The following AEBP2 variants were observed in gnomAD, a reference collection of about 807,000 sequenced individuals.
AEBP2 encodes AE binding protein 2.
AEBP2 carries 10 observed loss-of-function variants against 50.8 expected under a neutral mutation model. The observed-to-expected ratio is 0.20, with a 90% CI of 0.12 to 0.33. The LOEUF (loss-of-function observed/expected upper bound fraction) is 0.33. Ranked by LOEUF, AEBP2 falls within the 10% of genes least tolerant of loss-of-function variation. The pLI, the probability that AEBP2 is intolerant of heterozygous loss-of-function variation, is 1.00. For missense variants in AEBP2, 570 were observed against 688.0 expected, an observed-to-expected ratio of 0.83 and a Z score of 1.92; for synonymous variants, 296 against 261.3, an observed-to-expected ratio of 1.13 and a Z score of -1.28.
chr12:19,439,669 AGG>A lies in AEBP2; in HGVS notation c.-30_-29del. ...TCGAGAGAGGGAGGCGGCGGTGGGGAGGAGGAGGAGGAGGAGGAGCAGGCGCC... is the reference window on the plus strand; with the variant it reads ...TCGAGAGAGGGAGGCGGCGGTGGGGAAGGAGGAGGAGGAGGAGCAGGCGCC... On this transcript the variant is annotated 5_prime_UTR_variant, in exon 1 of 8. Coordinates refer to ENST00000266508, the MANE Select transcript of AEBP2 (RefSeq NM_153207.5). 2 of 244,598 alleles carry A rather than the reference AGG, an allele frequency of 8.2e-6. No individual in the cohort carries two copies. The highest frequency in any genetic ancestry group is 1.3e-5 in the Non-Finnish European group (2 of 149,260). The allele number at this position is 244,598 out of a possible 1,614,324, so 15.2% of individuals were successfully genotyped here. A position where few individuals can be genotyped will look rare whatever the true frequency, so the allele number is the denominator to read the frequency against.
chr12:19,462,149 A>G (rs1219992152), intron 1 of AEBP2, among the ~76,000 whole-genome samples: 1 of 151,872 alleles, frequency 6.6e-6, no homozygotes, highest in Non-Finnish European at 1.5e-5. Context: ...ACAGCTGGAA[A>G]CTCTTACTTT....
At chr12:19,431,614 A>T (rs773170304) in intron 1 of AEBP2, among the ~76,000 whole-genome samples, 9 of 152,200 alleles carry the variant, frequency 5.9e-5, no homozygotes, top group Non-Finnish European at 1.0e-4. Context: ...CAGCCAAAGC[A>T]GTTAAGTTTC....
At chr12:19,486,812 T>TC (rs1265659689) in intron 3 of AEBP2, among the ~76,000 whole-genome samples, 1 of 152,088 alleles carries the variant, frequency 6.6e-6, no homozygotes, top group East Asian at 1.9e-4. Flanking sequence ...TCTTTTCTTT[T>TC]TTTTTTGAGA....
intron 7 of AEBP2, among the ~76,000 whole-genome samples, chr12:19,516,135 A>G (rs769295420): frequency 6.6e-6 from 1 of 152,208 alleles, no homozygotes; most frequent in Non-Finnish European, 1.5e-5. Context: ...GCTAATTAAT[A>G]CAATAAAACT....
In AEBP2 at chr12:19,434,238, C is replaced by T. The variant is rs531924999; in HGVS notation, c.-16-28272C>T. On this transcript the variant is annotated intron_variant, in intron 1 of 3. Transcript: ENST00000538425. ...GCCCAGGCTGGAGTGCAATGGTGTG[C>T]TCTTCACTCACCACAACCTCCACCT... Among the ~76,000 whole-genome samples, 294 of 148,824 alleles carry T rather than the reference C, an allele frequency of 2.0e-3. 1 individual carries two copies. The highest frequency in any genetic ancestry group is 2.6e-3 in the Non-Finnish European group (177 of 67,620).
intron 3 of AEBP2, among the ~76,000 whole-genome samples, chr12:19,479,249 T>C (rs1339551675): frequency 6.6e-6 from 1 of 152,154 alleles, no homozygotes; most frequent in East Asian, 1.9e-4. Context: ...AAATACTTGT[T>C]AAGTTAATTT....
chr12:19,508,115 T>C (rs969004615), intron 5 of AEBP2, among the ~76,000 whole-genome samples: 2 of 152,240 alleles, frequency 1.3e-5, no homozygotes, highest in Admixed American at 6.5e-5. Context: ...AGAGGTATTT[T>C]GTTTTAGCAG....
At chr12:19,422,093 G>A (rs2095746116) in intron 1 of AEBP2, among the ~76,000 whole-genome samples, 1 of 152,152 alleles carries the variant, frequency 6.6e-6, no homozygotes, top group Non-Finnish European at 1.5e-5. Context: ...AGTGAGCTGA[G>A]ATTGCGCCAC....
intron 7 of AEBP2, among the ~76,000 whole-genome samples, chr12:19,517,847 A>G (rs150155279): frequency 6.6e-6 from 1 of 152,354 alleles, no homozygotes; most frequent in Non-Finnish European, 1.5e-5. Context: ...AAATATATGT[A>G]TTACACATGG....
intron 1 of AEBP2, chr12:19,457,124 C>T (rs1242779124): frequency 1.3e-6 from 2 of 1,599,302 alleles, no homozygotes; most frequent in Non-Finnish European, 1.7e-6. Flanking sequence ...ACTTCCTTAA[C>T]AATTTCCTCA....
intron 2 of AEBP2, among the ~76,000 whole-genome samples, chr12:19,470,153 CTTTCTTT>C (rs1429717778): frequency 6.8e-6 from 1 of 148,082 alleles, no homozygotes; most frequent in Admixed American, 6.7e-5. Flanking sequence ...TTTTGTGGAT[CTTTCTTT>C]TTTCTTTTTT....
At position 19,518,792 on chromosome 12, in the gene AEBP2, G is replaced by C. The variant is rs1486503951; in HGVS notation, c.*675G>C. ...AAAATTACTGTTAAAGAGTGTTGCA[G>C]TATGTCTGGTGGCTCCCTTTTCAGG... On this transcript the variant is annotated 3_prime_UTR_variant, in exon 8 of 8. Coordinates refer to ENST00000266508, the MANE Select transcript of AEBP2 (RefSeq NM_153207.5). 8 of 1,344,002 alleles carry C rather than the reference G, an allele frequency of 6.0e-6. No individual in the cohort carries two copies. Among genetic ancestry groups the C allele is most frequent in the Non-Finnish European group, 8.1e-6 (8 of 991,226 alleles). 83.3% of individuals were successfully genotyped at this position (1,344,002 alleles called of 1,614,324 possible). A position where few individuals can be genotyped will look rare whatever the true frequency, so the allele number is the denominator to read the frequency against.
chr12:19,424,857 A>G (rs1300841596), intron 1 of AEBP2, among the ~76,000 whole-genome samples: 1 of 151,900 alleles, frequency 6.6e-6, no homozygotes, highest in Non-Finnish European at 1.5e-5. Flanking sequence ...AAAATACAAA[A>G]AATTAGCCAG....
intron 4 of AEBP2, among the ~76,000 whole-genome samples, chr12:19,494,498 C>CT (rs747750453): frequency 0.055 from 6,327 of 115,814 alleles, 385 homozygotes; most frequent in Admixed American, 0.093. Context: ...AGCAGTGTTG[C>CT]TTTTTTTTTT....
chr12:19,518,761 G>A lies in AEBP2; in HGVS notation c.*644G>A. 2 of 1,468,938 alleles carry A rather than the reference G, an allele frequency of 1.4e-6. No individual in the cohort carries two copies. The highest frequency in any genetic ancestry group is 1.8e-6 in the Non-Finnish European group (2 of 1,087,070). 91.0% of individuals were successfully genotyped at this position (1,468,938 alleles called of 1,614,324 possible). On this transcript the variant is annotated 3_prime_UTR_variant, in exon 8 of 8. Transcript: ENST00000266508. ...AACTAAAAATTCGTCTATCGAATTAGGGCTGAAAATTACTGTTAAAGAGTG... is the reference window on the plus strand; with the variant it reads ...AACTAAAAATTCGTCTATCGAATTAAGGCTGAAAATTACTGTTAAAGAGTG...
At chr12:19,440,472 C>A in intron 1 of AEBP2, 102 bp downstream of exon 1, 1 of 1,409,836 alleles carries the variant, frequency 7.1e-7, no homozygotes, top group South Asian at 1.6e-5. Context: ...CCCTGCTCCC[C>A]GAATCCTCGG....
intron 1 of AEBP2, among the ~76,000 whole-genome samples, chr12:19,450,992 T>G (rs1437951109): frequency 1.3e-5 from 2 of 152,156 alleles, no homozygotes; most frequent in African/African-American, 4.8e-5. Flanking sequence ...TGACAGTTTT[T>G]TTTTTGGCAT....
At chr12:19,493,699 C>G in intron 3 of AEBP2, 101 bp from the exon 4 acceptor site, 1 of 1,111,820 alleles carries the variant, frequency 9.0e-7, no homozygotes, top group South Asian at 1.7e-5. Flanking sequence ...TTCTATTGTA[C>G]TACTTATTTA....
chr12:19,433,310 C>T (rs2095752401), intron 1 of AEBP2, among the ~76,000 whole-genome samples: 1 of 152,002 alleles, frequency 6.6e-6, no homozygotes, highest in Admixed American at 6.6e-5. Context: ...ATTGCTTGAA[C>T]CCAGGAGGCA....
Sources: allele counts gnomAD v4.1 joint callset (sites outside exome capture counted in the v4.1 genomes callset), GRCh38; gene constraint gnomAD v4.1.1; transcripts MANE v1.5; gene names NCBI Gene and HGNC (gene_info 2026-07-23, HGNC 2026-07-21).